Variants in MAGI2 observed in about 807,000 individuals in gnomAD.
MAGI2 encodes the protein membrane-associated guanylate kinase, WW and PDZ domain-containing protein 2.
A neutral mutation model predicts 133.3 loss-of-function variants in MAGI2; 35 were observed. The ratio of observed to expected loss-of-function variants is 0.26; its 90% CI spans 0.20 to 0.35. The LOEUF (loss-of-function observed/expected upper bound fraction) is 0.35, where lower values mean the gene tolerates loss of function less well. Among genes scored for constraint, MAGI2 ranks in the 10% least tolerant of loss-of-function variants. MAGI2 has a pLI of 1.00. For synonymous variants in MAGI2, 729 were observed against 710.6 expected (o/e 1.03, Z -0.41); for missense variants, 1,636 against 1,863.4 (o/e 0.88, Z 2.25).
intron 20 of MAGI2, among the ~76,000 whole-genome samples, chr7:78,124,861 C>CTTTTTTTT (rs10707820): frequency 7.3e-6 from 1 of 137,430 alleles, no homozygotes; most frequent in Non-Finnish European, 1.6e-5. Context: ...TAGCTGCTGT[C>CTTTTTTTT]TTTTTTTTTT....
chr7:78,904,852 A>G (rs761625315), intron 2 of MAGI2, among the ~76,000 whole-genome samples: 3 of 152,194 alleles, frequency 2.0e-5, no homozygotes. Context: ...CAAAAGTTTT[A>G]GGAGAAAGAA....
At chr7:78,519,701 A>G (rs1796336611) in intron 4 of MAGI2, among the ~76,000 whole-genome samples, 1 of 152,200 alleles carries the variant, frequency 6.6e-6, no homozygotes, top group South Asian at 2.1e-4. Flanking sequence ...TTCTAGTTTA[A>G]AAGTCTGTGG....
chr7:78,176,908 G>C (rs866835894), intron 14 of MAGI2, among the ~76,000 whole-genome samples: 2 of 130,428 alleles, frequency 1.5e-5, no homozygotes, highest in Non-Finnish European at 1.6e-5. Context: ...ACCATATATA[G>C]ACACACACAC....
intron 3 of MAGI2, among the ~76,000 whole-genome samples, chr7:78,620,310 C>A (rs2150936971): frequency 6.6e-6 from 1 of 151,966 alleles, no homozygotes; most frequent in East Asian, 1.9e-4. Context: ...GATTCAAAAT[C>A]TGAGATTAAA....
Position 78,150,059 on chromosome 7 carries a change from A to G in MAGI2, c.2845+9966T>C, listed in dbSNP as rs149092131. ...AGTACTCAGAATAGTTTGGTTGGGA[A>G]CAAATCCAGCTTCAATTGCAAAATT... On this transcript the variant is annotated intron_variant, in intron 16 of 21. Coordinates refer to ENST00000354212, the MANE Select transcript of MAGI2 (RefSeq NM_012301.4). 3.0e-3 allele frequency among the ~76,000 whole-genome samples: 453 copies of G among 152,346 alleles called. 1 individual carries two copies. The highest frequency in any genetic ancestry group is 5.3e-3 in the Non-Finnish European group (361 of 68,022).
At chr7:78,756,606 G>A (rs1304897749) in intron 2 of MAGI2, among the ~76,000 whole-genome samples, 3 of 151,990 alleles carry the variant, frequency 2.0e-5, no homozygotes, top group Admixed American at 6.6e-5. Flanking sequence ...ACTTTGATGC[G>A]ACATCATGGT....
chr7:78,470,566 T>A (rs1431236943), intron 6 of MAGI2, among the ~76,000 whole-genome samples: 1 of 152,134 alleles, frequency 6.6e-6, no homozygotes, highest in South Asian at 2.1e-4. Context: ...CCTTCTGATG[T>A]AACATAATTA....
chr7:78,698,307 A>G (rs1408395016), intron 2 of MAGI2, among the ~76,000 whole-genome samples: 1 of 152,226 alleles, frequency 6.6e-6, no homozygotes, highest in Non-Finnish European at 1.5e-5. Flanking sequence ...AAAAATTTCA[A>G]GCAAGAACAT....
intron 1 of MAGI2, among the ~76,000 whole-genome samples, chr7:79,047,763 C>G (rs376400127): frequency 3.3e-5 from 5 of 151,948 alleles, no homozygotes; most frequent in Admixed American, 6.6e-5. Flanking sequence ...CTTATAATCC[C>G]TGATTATAAG....
At chr7:78,034,521 GTTTATTTTAT>G (rs1029234140) in intron 21 of MAGI2, among the ~76,000 whole-genome samples, 1 of 152,000 alleles carries the variant, frequency 6.6e-6, no homozygotes, top group Non-Finnish European at 1.5e-5. Flanking sequence ...AAATATCTCA[GTTTATTTTAT>G]TTTATTTTAT....
chr7:78,396,183 C>T (rs1796329678), intron 6 of MAGI2, among the ~76,000 whole-genome samples: 1 of 152,146 alleles, frequency 6.6e-6, no homozygotes, highest in Non-Finnish European at 1.5e-5. Flanking sequence ...AAAATATAAT[C>T]TTCATAAAGC....
At chr7:78,311,168 G>T (rs987727100) in intron 9 of MAGI2, among the ~76,000 whole-genome samples, 1 of 152,120 alleles carries the variant, frequency 6.6e-6, no homozygotes, top group African/African-American at 2.4e-5. Flanking sequence ...GGATGACAAT[G>T]GATGAGCTCC....
Position 79,453,129 on chromosome 7 carries a change from C to G in MAGI2, c.192G>C (p.Glu64Asp), listed in dbSNP as rs745802333. Residue 64 changes from glutamate (E) to aspartate (D), a missense_variant, in exon 1 of 22, where the codon GAG (glutamate) becomes GAC (aspartate). Glu to Asp is a conservative substitution (Grantham distance 45). This residue lies in a region of MAGI2 where 148 missense variants were observed against 239.0 expected (regional missense o/e 0.62). Coordinates refer to ENST00000354212, the MANE Select transcript of MAGI2 (RefSeq NM_012301.4). Reference sequence around the variant, plus strand: ...GGGTCTCGTTCACCTCCAGCAGCAGCTCCTCCGACACCAATTTGCTGCCGC... The same window carrying G: ...GGGTCTCGTTCACCTCCAGCAGCAGGTCCTCCGACACCAATTTGCTGCCGC... ...YESGSKLVSE[E>D]LLLEVNETPV... is the part of the protein sequence containing the mutation. 6.2e-7 allele frequency: 1 copy of G among 1,613,870 alleles called. No individual in the cohort carries two copies. The highest frequency in any genetic ancestry group is 8.5e-7 in the Non-Finnish European group (1 of 1,180,036).
At chr7:79,294,791 G>A (rs1261375051) in intron 1 of MAGI2, among the ~76,000 whole-genome samples, 2 of 145,394 alleles carry the variant, frequency 1.4e-5, no homozygotes, top group South Asian at 4.5e-4. Flanking sequence ...GTGCAGGGGC[G>A]CAATCTCGGC....
chr7:79,226,822 A>C (rs1830901992), intron 1 of MAGI2, among the ~76,000 whole-genome samples: 1 of 152,150 alleles, frequency 6.6e-6, no homozygotes, highest in Non-Finnish European at 1.5e-5. Context: ...ACTTGAAGAA[A>C]GTGTCCATGC....
chr7:79,059,386 G>C (rs915943016), intron 1 of MAGI2, among the ~76,000 whole-genome samples: 5 of 151,984 alleles, frequency 3.3e-5, no homozygotes, highest in African/African-American at 9.7e-5. Flanking sequence ...AATGGACTCA[G>C]AATGAGAAAG....
chr7:78,498,083 TGATA>T (rs977989306), intron 5 of MAGI2, among the ~76,000 whole-genome samples: 4 of 152,212 alleles, frequency 2.6e-5, no homozygotes, highest in Non-Finnish European at 5.9e-5. Flanking sequence ...TTTACTTAAT[TGATA>T]AACAAAAATC....
intron 3 of MAGI2, among the ~76,000 whole-genome samples, chr7:78,555,760 G>T (rs192210418): frequency 0.011 from 1,708 of 152,234 alleles, 27 homozygotes; most frequent in Non-Finnish European, 0.016. Context: ...ATGGATTTTA[G>T]TCAATGACTA....
intron 9 of MAGI2, among the ~76,000 whole-genome samples, chr7:78,283,805 G>C (rs560830446): frequency 6.6e-6 from 1 of 151,982 alleles, no homozygotes; most frequent in Non-Finnish European, 1.5e-5. Context: ...CCTAAAAAGC[G>C]ATAAATCTGT....
Sources: allele counts gnomAD v4.1 joint callset (sites outside exome capture counted in the v4.1 genomes callset), GRCh38; gene constraint gnomAD v4.1.1; regional missense constraint gnomAD v4.1.1; transcripts MANE v1.5; gene names NCBI Gene and HGNC (gene_info 2026-07-23, HGNC 2026-07-21).